The following DCBLD2 variants were observed in gnomAD, a reference collection of about 807,000 sequenced individuals.
The protein encoded by DCBLD2 is discoidin, CUB and LCCL domain containing 2, also known as discoidin, CUB and LCCL domain-containing protein 2.
A neutral mutation model predicts 86.8 loss-of-function variants in DCBLD2; 54 were observed. That is an observed-to-expected ratio of 0.62 (90% CI 0.50 to 0.78). The LOEUF (loss-of-function observed/expected upper bound fraction) is 0.78, where lower values mean the gene tolerates loss of function less well. Among genes scored for constraint, DCBLD2 ranks in the 30% least tolerant of loss-of-function variants. DCBLD2 has a pLI of 0.00. For missense variants in DCBLD2, 908 were observed against 954.2 expected, an observed-to-expected ratio of 0.95 and a Z score of 0.64; for synonymous variants, 354 against 341.3, an observed-to-expected ratio of 1.04 and a Z score of -0.41.
intron 2 of DCBLD2, among the ~76,000 whole-genome samples, 161 bp downstream of exon 2, chr3:98,881,379 A>C (rs190127439): frequency 1.3e-5 from 2 of 152,262 alleles, no homozygotes; most frequent in East Asian, 3.9e-4. Context: ...ACAGACAAGA[A>C]TCTTCTCTTC....
At chr3:98,866,008 C>T (rs1943136556) in intron 2 of DCBLD2, among the ~76,000 whole-genome samples, 1 of 152,030 alleles carries the variant, frequency 6.6e-6, no homozygotes, top group East Asian at 1.9e-4. Context: ...TGGTTTCCAG[C>T]TTCATCCATG....
At chr3:98,806,258 A>G (rs1941836616) in intron 13 of DCBLD2, among the ~76,000 whole-genome samples, 1 of 152,226 alleles carries the variant, frequency 6.6e-6, no homozygotes, top group African/African-American at 2.4e-5. Context: ...AAACTTTCCT[A>G]AATTTTTAAA....
intron 13 of DCBLD2, among the ~76,000 whole-genome samples, chr3:98,806,127 T>G (rs1451268786): frequency 6.6e-6 from 1 of 152,024 alleles, no homozygotes; most frequent in Admixed American, 6.6e-5. Context: ...AATTCAGGTA[T>G]TTAGAATAAT....
intron 1 of DCBLD2, among the ~76,000 whole-genome samples, chr3:98,894,556 T>C (rs1943717542): frequency 6.6e-6 from 1 of 152,176 alleles, no homozygotes; most frequent in Middle Eastern, 3.4e-3. Flanking sequence ...GCTTGAAGGA[T>C]TCCTCTCATA....
chr3:98,901,552 G>A lies in DCBLD2; in HGVS notation c.-226C>T, dbSNP rs1222686516. 9 of 368,186 alleles carry A rather than the reference G, an allele frequency of 2.4e-5. No individual in the cohort carries two copies. The highest frequency in any genetic ancestry group is 8.5e-5 in the African/African-American group (4 of 47,096). The allele number at this position is 368,186 out of a possible 1,614,324, so 22.8% of individuals were successfully genotyped here. On this transcript the variant is annotated 5_prime_UTR_variant, in exon 1 of 16. Coordinates refer to ENST00000326840, the MANE Select transcript of DCBLD2 (RefSeq NM_080927.4). The stretch of plus-strand genomic sequence containing the variant: ...CGAGACCCCAGGCCGGAGCGCAGGG[G>A]AGGGGAGGGAAGGAAGCGGAGTCCT...
chr3:98,828,535 G>A (rs1264863446), intron 3 of DCBLD2, among the ~76,000 whole-genome samples: 2 of 152,086 alleles, frequency 1.3e-5, no homozygotes, highest in Non-Finnish European at 2.9e-5. Context: ...CTAGGATGGC[G>A]AAAATAAAAA....
At chr3:98,805,276 GA>G (rs1432134830) in intron 13 of DCBLD2, among the ~76,000 whole-genome samples, 1 of 151,912 alleles carries the variant, frequency 6.6e-6, no homozygotes, top group Non-Finnish European at 1.5e-5. Context: ...AGATGTTAAT[GA>G]AACACTTGAA....
chr3:98,849,580 C>A lies in DCBLD2; in HGVS notation c.452G>T (p.Gly151Val). The A allele has an allele frequency of 1.2e-6, 2 of 1,611,848 alleles. No homozygotes were observed. Among genetic ancestry groups the A allele is most frequent in the South Asian group, 1.1e-5 (1 of 90,962 alleles). The change falls in exon 3 of 16, where the codon GGG (glycine) becomes GTG (valine). Residue 151 changes from glycine (G) to valine (V), a missense_variant. Transcript: ENST00000326840. ...TTCAATTGAATGGTTCATTTGCAAC[C>A]CCAGACCACAGTATTTGCCTAGGAA... Reference protein sequence around the residue: ...RTEIGKYCGLGLQMNHSIESK... With the variant: ...RTEIGKYCGLVLQMNHSIESK...
At chr3:98,803,434 A>G (rs1004870244) in intron 13 of DCBLD2, among the ~76,000 whole-genome samples, 3 of 152,186 alleles carry the variant, frequency 2.0e-5, no homozygotes, top group Non-Finnish European at 2.9e-5. Context: ...TCAGCTTAAG[A>G]AGATTTTGGG....
At chr3:98,832,498 T>C (rs1287454338) in intron 3 of DCBLD2, among the ~76,000 whole-genome samples, 1 of 152,250 alleles carries the variant, frequency 6.6e-6, no homozygotes, top group African/African-American at 2.4e-5. Flanking sequence ...CTGATTATTA[T>C]GCTGGCTTGT....
At chr3:98,868,380 T>C (rs1188952694) in intron 2 of DCBLD2, among the ~76,000 whole-genome samples, 1 of 152,198 alleles carries the variant, frequency 6.6e-6, no homozygotes, top group Non-Finnish European at 1.5e-5. Flanking sequence ...ACATGCTGTG[T>C]GTTATGAATG....
At chr3:98,812,264 G>C in intron 10 of DCBLD2, 68 bp downstream of exon 10, 6 of 1,583,356 alleles carry the variant, frequency 3.8e-6, no homozygotes, top group Non-Finnish European at 5.2e-6. Context: ...TACTCTCTCT[G>C]AGAACAGCAA....
At chr3:98,873,729 A>G (rs561259489) in intron 2 of DCBLD2, among the ~76,000 whole-genome samples, 1 of 152,214 alleles carries the variant, frequency 6.6e-6, no homozygotes, top group South Asian at 2.1e-4. Context: ...TAAAAAAAAA[A>G]TTTTAAATCA....
chr3:98,799,956 G>A (rs1326391819), intron 15 of DCBLD2, 115 bp from the exon 16 acceptor site: 16 of 869,592 alleles, frequency 1.8e-5, no homozygotes, highest in Non-Finnish European at 2.8e-5. Context: ...TACTTTTGTT[G>A]CCATCAATAC....
intron 3 of DCBLD2, among the ~76,000 whole-genome samples, chr3:98,841,514 A>G (rs1559782547): frequency 6.6e-6 from 1 of 152,236 alleles, no homozygotes; most frequent in Non-Finnish European, 1.5e-5. Flanking sequence ...CAAATGAATC[A>G]AAAAATATCA....
At chr3:98,819,176 G>A in intron 8 of DCBLD2, 26 bp downstream of exon 8, 2 of 1,529,750 alleles carry the variant, frequency 1.3e-6, no homozygotes, top group Non-Finnish European at 1.8e-6. Context: ...GTTACAAATT[G>A]CTTTAGAAAA....
At chr3:98,861,485 T>A (rs1943043221) in intron 2 of DCBLD2, among the ~76,000 whole-genome samples, 1 of 152,176 alleles carries the variant, frequency 6.6e-6, no homozygotes, top group Admixed American at 6.5e-5. Flanking sequence ...AGTAAAGTAC[T>A]CCTCAGCAAA....
chr3:98,813,251 T>A (rs1941969972), intron 9 of DCBLD2: 1 of 152,126 alleles, frequency 6.6e-6, no homozygotes, highest in African/African-American at 2.4e-5. Context: ...CCAACATGTG[T>A]GGCAATATTT....
chr3:98,807,691 G>A (rs536197286), intron 13 of DCBLD2, among the ~76,000 whole-genome samples: 1 of 152,112 alleles, frequency 6.6e-6, no homozygotes, highest in East Asian at 1.9e-4. Context: ...CCCCTTTCCC[G>A]AAGAAAAAAC....
Sources: allele counts gnomAD v4.1 joint callset (sites outside exome capture counted in the v4.1 genomes callset), GRCh38; gene constraint gnomAD v4.1.1; transcripts MANE v1.5; gene names NCBI Gene and HGNC (gene_info 2026-07-23, HGNC 2026-07-21).